The following ZFAT variants were observed in gnomAD, a reference collection of about 807,000 sequenced individuals.
ZFAT encodes the protein zinc finger protein ZFAT.
ZFAT carries 64 observed loss-of-function variants against 117.7 expected under a neutral mutation model. That is an observed-to-expected ratio of 0.54 (90% CI 0.44 to 0.67). The LOEUF (loss-of-function observed/expected upper bound fraction) is 0.67, where lower values mean the gene tolerates loss of function less well. ZFAT is among the 30% of genes least tolerant of loss of function. The probability of loss-of-function intolerance (pLI) is 0.00; values close to 1 mark genes in which losing one functional copy is unlikely to be tolerated. For synonymous variants in ZFAT, 679 were observed against 615.0 expected (o/e 1.10, Z -1.54); for missense variants, 1,433 against 1,584.5 (o/e 0.90, Z 1.62).
At chr8:134,599,150 C>A (rs1827200082) in intron 7 of ZFAT, 1 of 152,150 alleles carries the variant, frequency 6.6e-6, no homozygotes. Context: ...AAACAACATG[C>A]CTTCACATGC....
At chr8:134,796,158 T>C in the ZFAT span, 1 of 152,218 alleles carries the variant, frequency 6.6e-6, no homozygotes. Flanking sequence ...ATATCCTTTA[T>C]AATAAATGGG....
the ZFAT span, among the ~76,000 whole-genome samples, chr8:134,770,413 A>G: frequency 3.3e-5 from 5 of 152,172 alleles, no homozygotes; most frequent in African/African-American, 1.2e-4. Context: ...GTCTCTAAAC[A>G]TAAGTTGTGA....
upstream of ZFAT, among the ~76,000 whole-genome samples, chr8:134,714,494 T>G (rs890656781): frequency 6.6e-6 from 1 of 152,170 alleles, no homozygotes; most frequent in African/African-American, 2.4e-5. Context: ...AAAACTCCCT[T>G]GGGCATTGAG....
intron 15 of ZFAT, among the ~76,000 whole-genome samples, chr8:134,501,322 C>G (rs919867326): frequency 2.6e-5 from 4 of 151,998 alleles, no homozygotes; most frequent in African/African-American, 9.7e-5. Flanking sequence ...CTTCCACAGG[C>G]CTTTGAATCC....
rs267601781 is a variant in ZFAT, at chr8:134,657,730, C to A, written c.27G>T (p.Thr9=). The A allele has an allele frequency of 1.3e-5, 21 of 1,606,102 alleles. No homozygotes were observed. Among genetic ancestry groups the A allele is most frequent in the African/African-American group, 2.7e-5 (2 of 74,474 alleles). ...TACAACATTTACACATAAAGATGGC[C>A]GTGTTTTCTGTAAGGAAAAAAAAGG... METRAAEN[T]AIFMCKCCNL... is the part of the protein sequence containing the mutation. The change falls in exon 2 of 16, where the codon ACG becomes ACT. Residue 9 remains threonine, a synonymous_variant. Coordinates refer to ENST00000377838, the MANE Select transcript of ZFAT (RefSeq NM_020863.4).
chr8:134,803,288 AAC>A, the ZFAT span, among the ~76,000 whole-genome samples: 3 of 152,186 alleles, frequency 2.0e-5, no homozygotes, highest in African/African-American at 4.8e-5. Flanking sequence ...ATAAGAAATA[AAC>A]AGTGTCACCT....
chr8:134,522,762 C>G (rs886932552), intron 12 of ZFAT, among the ~76,000 whole-genome samples: 1 of 152,220 alleles, frequency 6.6e-6, no homozygotes, highest in Non-Finnish European at 1.5e-5. Context: ...ACACTTCCAA[C>G]CTCAAGTATT....
chr8:134,700,343 CA>C (rs1833976675), intron 1 of ZFAT, among the ~76,000 whole-genome samples: 1 of 152,204 alleles, frequency 6.6e-6, no homozygotes, highest in Non-Finnish European at 1.5e-5. Flanking sequence ...ACACCCAACT[CA>C]GCAAGAAGCA....
chr8:134,664,831 T>C (rs999692916), intron 1 of ZFAT, among the ~76,000 whole-genome samples: 3 of 152,264 alleles, frequency 2.0e-5, no homozygotes, highest in Middle Eastern at 3.2e-3. Context: ...GATGCATTTT[T>C]AGGTCCAATT....
the ZFAT span, chr8:134,766,988 C>A: frequency 1.3e-5 from 2 of 152,196 alleles, no homozygotes; most frequent in Non-Finnish European, 2.9e-5. Flanking sequence ...TAGAGACTTT[C>A]CTTAAAACAC....
chr8:134,599,326 T>C (rs1028701748), intron 7 of ZFAT: 1 of 164,676 alleles, frequency 6.1e-6, no homozygotes, highest in African/African-American at 2.4e-5. Flanking sequence ...CGCATGCATA[T>C]AAGTGTATGT....
intron 13 of ZFAT, among the ~76,000 whole-genome samples, chr8:134,518,921 T>C (rs186824151): frequency 1.9e-4 from 29 of 152,316 alleles, no homozygotes; most frequent in Non-Finnish European, 3.7e-4. Context: ...TCCTACCAAC[T>C]TGAGACACCA....
chr8:134,765,844 G>T, the ZFAT span: 1 of 152,118 alleles, frequency 6.6e-6, no homozygotes, highest in Non-Finnish European at 1.5e-5. Context: ...TGAACCACAG[G>T]TGCTGTTGCT....
intron 3 of ZFAT, among the ~76,000 whole-genome samples, chr8:134,626,937 T>C (rs1286927054): frequency 6.6e-6 from 1 of 152,234 alleles, no homozygotes; most frequent in Non-Finnish European, 1.5e-5. Flanking sequence ...TGAGGGATTG[T>C]GCATGCCATA....
intron 9 of ZFAT, among the ~76,000 whole-genome samples, chr8:134,586,018 G>A (rs146929600): frequency 9.4e-4 from 142 of 151,616 alleles, no homozygotes; most frequent in African/African-American, 3.3e-3. Context: ...TGTTTTTCTT[G>A]TCCTATGTTT....
chr8:134,781,561 A>T, the ZFAT span, among the ~76,000 whole-genome samples: 1 of 152,106 alleles, frequency 6.6e-6, no homozygotes, highest in Non-Finnish European at 1.5e-5. Context: ...CAAATAACCA[A>T]GATTTTTTTA....
At chr8:134,783,074 GTTTTGT>G in the ZFAT span, among the ~76,000 whole-genome samples, 82 of 151,812 alleles carry the variant, frequency 5.4e-4, no homozygotes, top group Non-Finnish European at 9.7e-4. Context: ...TTTAGTAATT[GTTTTGT>G]TTTTAAGTCA....
At chr8:134,645,053 C>G (rs1266139893) in intron 2 of ZFAT, among the ~76,000 whole-genome samples, 1 of 152,114 alleles carries the variant, frequency 6.6e-6, no homozygotes, top group Non-Finnish European at 1.5e-5. Context: ...GAAATTTCTT[C>G]TTGGATCACA....
intron 11 of ZFAT, 32 bp downstream of exon 11, chr8:134,565,301 A>G (rs754955245): frequency 1.2e-6 from 2 of 1,611,210 alleles, no homozygotes; most frequent in Non-Finnish European, 1.7e-6. Flanking sequence ...TTTTTGTCTG[A>G]ACATCTGCCT....
Sources: allele counts gnomAD v4.1 joint callset (sites outside exome capture counted in the v4.1 genomes callset), GRCh38; gene constraint gnomAD v4.1.1; transcripts MANE v1.5; gene names NCBI Gene and HGNC (gene_info 2026-07-23, HGNC 2026-07-21).